Variants in ZNF462 observed in about 807,000 individuals in gnomAD.
The protein encoded by ZNF462 is zinc finger PBX1-interacting protein.
In ZNF462, 10 loss-of-function variants were observed where a neutral mutation model predicts 201.9. The ratio of observed to expected loss-of-function variants is 0.05; its 90% confidence interval spans 0.03 to 0.08. The LOEUF is 0.08. Among genes scored for constraint, ZNF462 ranks in the 10% least tolerant of loss-of-function variants. ZNF462 has a pLI of 1.00. For synonymous variants in ZNF462, 1,227 were observed against 1,193.3 expected, an observed-to-expected ratio of 1.03 and a Z score of -0.58; for missense variants, 2,523 against 3,168.3, an observed-to-expected ratio of 0.80 and a Z score of 4.89.
Position 106,930,630 on chromosome 9 carries a change from A to T in ZNF462, c.5953A>T (p.Asn1985Tyr). The change falls in exon 4 of 13, where the codon AAT (asparagine) becomes TAT (tyrosine). Residue 1985 changes from asparagine (N) to tyrosine (Y), a missense_variant. By Grantham distance (143) the Asn-to-Tyr change is moderately radical. Transcript: ENST00000277225. This position sits in a 1 kb window ranked among gnomAD's most constrained non-coding sequence, Gnocchi z 5.8. ...GCACCCAACGCTCCGAGCCATCTGC[A>T]ATCACCTCCGAAAGCACGTCCAGTA... ...EVHPTLRAICNHLRKHVQYGN... is the reference protein window; with the variant it reads ...EVHPTLRAICYHLRKHVQYGN... 6.2e-7 allele frequency: 1 copy of T among 1,614,164 alleles called. No individual in the cohort carries two copies. The highest frequency in any genetic ancestry group is 8.5e-7 in the Non-Finnish European group (1 of 1,180,034).
intron 1 of ZNF462, among the ~76,000 whole-genome samples, chr9:106,893,271 C>T (rs1260892436): frequency 1.3e-5 from 2 of 152,140 alleles, no homozygotes; most frequent in Admixed American, 1.3e-4. Context: ...TCTGACCAGC[C>T]CTTTCCAGTA....
intron 7 of ZNF462, among the ~76,000 whole-genome samples, chr9:106,940,606 T>C (rs1830826096): frequency 1.3e-5 from 2 of 152,238 alleles, no homozygotes; most frequent in African/African-American, 4.8e-5. Flanking sequence ...TGTTCAACAC[T>C]ATAGCTCCTT....
chr9:106,888,190 C>T (rs1030020140), intron 1 of ZNF462, among the ~76,000 whole-genome samples: 1 of 152,042 alleles, frequency 6.6e-6, no homozygotes, highest in African/African-American at 2.4e-5. Flanking sequence ...TACAGGCGCC[C>T]GCCACCGCGC....
chr9:106,923,794 A>G lies in ZNF462; in HGVS notation c.220+191A>G, dbSNP rs1393665062. 1.3e-5 allele frequency among the ~76,000 whole-genome samples: 2 copies of G among 152,150 alleles called. No individual in the cohort carries two copies. Among genetic ancestry groups the G allele is most frequent in the African/African-American group, 2.4e-5 (1 of 41,432 alleles). On this transcript the variant is annotated intron_variant, in intron 2 of 12. Transcript: ENST00000277225. This position sits in a 1 kb window ranked among gnomAD's most constrained non-coding sequence, Gnocchi z 5.6. ...GTTTTATCCTTTCGAAAGCTTCCTCATATATCCTACCTTTCAATTTGGAGA... is the reference window on the plus strand; with the variant it reads ...GTTTTATCCTTTCGAAAGCTTCCTCGTATATCCTACCTTTCAATTTGGAGA...
Position 107,009,402 on chromosome 9 carries a change from G to GAA in ZNF462, c.7190-139_7190-138dup. ...GGAATGCCCTAAGGGGGAAACCTAA[G>GAA]AAAAAGTGAGGAATCTGGAAATTGC... On this transcript the variant is annotated intron_variant, in intron 11 of 12. Transcript: ENST00000277225. The surrounding 1 kb of genome is among the most constrained non-coding windows in gnomAD (Gnocchi z 6.1). 1.7e-6 allele frequency: 2 copies of GAA among 1,178,374 alleles called. No homozygotes were observed. Among genetic ancestry groups the GAA allele is most frequent in the Non-Finnish European group, 2.4e-6 (2 of 848,846 alleles). 73.0% of individuals were successfully genotyped at this position (1,178,374 alleles called of 1,614,324 possible).
In ZNF462 at chr9:106,962,339, T is replaced by C. The variant is rs1407129742; in HGVS notation, c.6428-9666T>C. On this transcript the variant is annotated intron_variant, in intron 7 of 12. Transcript: ENST00000277225. The surrounding 1 kb of genome is among the most constrained non-coding windows in gnomAD (Gnocchi z 4.6). ...GAAATGAATCAAGGATTTATTCTGA[T>C]TTCATTGACTGGGTGAATGAATGGT... 6.6e-6 allele frequency among the ~76,000 whole-genome samples: 1 copy of C among 152,054 alleles called. No homozygotes were observed.
rs373826023 is a variant in ZNF462 at position 106,935,511 on chromosome 9, G to A, written c.6125G>A (p.Arg2042His). 10 of 1,613,364 alleles carry A rather than the reference G, an allele frequency of 6.2e-6. No individual in the cohort carries two copies. Among genetic ancestry groups the A allele is most frequent in the Non-Finnish European group, 7.6e-6 (9 of 1,179,708 alleles). ...TTTCCTTCTACATCAAGTTTGGATCGCCATATGCAAACCCACCACGGACAC... is the reference window on the plus strand; with the variant it reads ...TTTCCTTCTACATCAAGTTTGGATCACCATATGCAAACCCACCACGGACAC... ...FVSAFRHNLD[R>H]HMQTHHGHHK... The change falls in exon 6 of 13, where the codon CGC (arginine) becomes CAC (histidine). Residue 2042 changes from arginine (R) to histidine (H), a missense_variant. Around this residue, in one of 15 missense-constraint regions of ZNF462, gnomAD observed 107 missense variants for 187.7 expected, o/e 0.57. Transcript: ENST00000277225. The surrounding 1 kb of genome is among the most constrained non-coding windows in gnomAD (Gnocchi z 4.1).
intron 7 of ZNF462, among the ~76,000 whole-genome samples, chr9:106,960,388 A>G (rs547101792): frequency 2.0e-5 from 3 of 152,234 alleles, no homozygotes; most frequent in African/African-American, 7.2e-5. Flanking sequence ...GGCCTTGCCC[A>G]CGGCCTGTGA....
rs573694586 is a variant in ZNF462 at position 106,968,327 on chromosome 9, A to G, written c.6428-3678A>G. On this transcript the variant is annotated intron_variant, in intron 7 of 12. Coordinates refer to ENST00000277225, the MANE Select transcript of ZNF462 (RefSeq NM_021224.6). This position sits in a 1 kb window ranked among gnomAD's most constrained non-coding sequence, Gnocchi z 4.0. ...CTTCTGAATAAATTCTAAATCCTATAGGCACTGTGACCATCATTGCTAAAA... is the reference window on the plus strand; with the variant it reads ...CTTCTGAATAAATTCTAAATCCTATGGGCACTGTGACCATCATTGCTAAAA... 6.6e-6 allele frequency among the ~76,000 whole-genome samples: 1 copy of G among 152,320 alleles called. No individual in the cohort carries two copies. Among genetic ancestry groups the G allele is most frequent in the African/African-American group, 2.4e-5 (1 of 41,578 alleles).
At position 106,984,897 on chromosome 9, in the gene ZNF462, T is replaced by C. The variant is rs1827716719; in HGVS notation, c.7056+488T>C. Among the ~76,000 whole-genome samples the C allele has an allele frequency of 6.6e-6, 1 of 152,126 alleles. No homozygotes were observed. On this transcript the variant is annotated intron_variant, in intron 10 of 12. Coordinates refer to ENST00000277225, the MANE Select transcript of ZNF462 (RefSeq NM_021224.6). The surrounding 1 kb of genome is among the most constrained non-coding windows in gnomAD (Gnocchi z 6.4). ...TTTGTGGCAATTAAGAAAGCAGCCA[T>C]GCTGGAGTTCAAGACCAGCCTGGGC...
At chr9:106,936,566 A>G (rs995279404) in intron 6 of ZNF462, among the ~76,000 whole-genome samples, 5 of 152,260 alleles carry the variant, frequency 3.3e-5, no homozygotes, top group Non-Finnish European at 7.3e-5. Context: ...GGAATGGGAC[A>G]GGGAAGTTAG....
intron 1 of ZNF462, among the ~76,000 whole-genome samples, chr9:106,867,981 A>T (rs908355971): frequency 1.3e-5 from 2 of 152,070 alleles, no homozygotes; most frequent in African/African-American, 4.8e-5. Context: ...ACTGCTAAGG[A>T]TCTAACATGA....
chr9:106,895,870 G>A lies in ZNF462; in HGVS notation c.-30-27484G>A, dbSNP rs1481699630. Among the ~76,000 whole-genome samples the A allele has an allele frequency of 1.3e-5, 2 of 152,078 alleles. No individual in the cohort carries two copies. Among genetic ancestry groups the A allele is most frequent in the Admixed American group, 6.5e-5 (1 of 15,274 alleles). On this transcript the variant is annotated intron_variant, in intron 1 of 12. Transcript: ENST00000277225. This position sits in a 1 kb window ranked among gnomAD's most constrained non-coding sequence, Gnocchi z 4.4. ...ACATATGTTCATGGAATTATTCATAGACAAACCATTCAGTCTGGTTATGAT... is the reference window on the plus strand; with the variant it reads ...ACATATGTTCATGGAATTATTCATAAACAAACCATTCAGTCTGGTTATGAT...
At chr9:106,910,362 G>GTTT (rs1011376719) in intron 1 of ZNF462, among the ~76,000 whole-genome samples, 119 of 64,688 alleles carry the variant, frequency 1.8e-3, no homozygotes, top group Non-Finnish European at 2.1e-3. Flanking sequence ...CCTTGTTTTA[G>GTTT]TTTTTTTTTT....
Position 106,974,436 on chromosome 9 carries a change from C to A in ZNF462, c.6832+163C>A. ...ATAACCACAGTGACAGCCAAAAGGG[C>A]AAAAACACCTTCCTGCTGGGAGTAT... On this transcript the variant is annotated intron_variant, in intron 9 of 12. Coordinates refer to ENST00000277225, the MANE Select transcript of ZNF462 (RefSeq NM_021224.6). This position sits in a 1 kb window ranked among gnomAD's most constrained non-coding sequence, Gnocchi z 4.0. 9.8e-7 allele frequency: 1 copy of A among 1,020,066 alleles called. No individual in the cohort carries two copies. The highest frequency in any genetic ancestry group is 1.5e-6 in the Non-Finnish European group (1 of 655,064). 63.2% of individuals were successfully genotyped at this position (1,020,066 alleles called of 1,614,324 possible).
At position 106,935,525 on chromosome 9, in the gene ZNF462, C is replaced by T. The variant is rs1830596386; in HGVS notation, c.6139C>T (p.His2047Tyr). 6.2e-7 allele frequency: 1 copy of T among 1,613,984 alleles called. No homozygotes were observed. Residue 2047 changes from histidine (H) to tyrosine (Y), a missense_variant, in exon 6 of 13, where the codon CAC becomes TAC. By Grantham distance (83) the His-to-Tyr change is moderately conservative. This residue lies in a region of ZNF462 where 107 missense variants were observed against 187.7 expected (regional missense o/e 0.57). Transcript: ENST00000277225. This position sits in a 1 kb window ranked among gnomAD's most constrained non-coding sequence, Gnocchi z 4.1. ...AAGTTTGGATCGCCATATGCAAACC[C>T]ACCACGGACACCATAAACCATTCCG... The part of the protein sequence containing the change: ...RHNLDRHMQT[H>Y]HGHHKPFRCK...
chr9:106,866,072 G>T (rs1351442904), intron 1 of ZNF462, among the ~76,000 whole-genome samples: 1 of 152,194 alleles, frequency 6.6e-6, no homozygotes, highest in African/African-American at 2.4e-5. Context: ...ACGGTGGAAT[G>T]AAAACTTGGA....
chr9:106,864,035 T>C, intron 1 of ZNF462, among the ~76,000 whole-genome samples: 1 of 139,548 alleles, frequency 7.2e-6, no homozygotes, highest in Admixed American at 7.3e-5. Context: ...TCCTCAGGTA[T>C]TTGGCTCTCT....
intron 9 of ZNF462, chr9:106,979,603 A>G (rs1208537225): frequency 6.6e-6 from 1 of 151,466 alleles, no homozygotes; most frequent in East Asian, 1.9e-4. Flanking sequence ...AGCTGTAGGG[A>G]TACAGCCATG....
Sources: gnomAD v4.1 joint callset for allele counts (sites outside exome capture counted in the v4.1 genomes callset) on GRCh38, gnomAD v4.1.1 for gene constraint, gnomAD v4.1.1 regional missense constraint, Gnocchi (gnomAD v3.1) non-coding constraint, MANE v1.5 for transcripts, NCBI Gene and HGNC (gene_info 2026-07-23, HGNC 2026-07-21) for gene names.